LRP1B: variants seen among roughly 807,000 people sequenced by gnomAD.
LRP1B encodes the protein low-density lipoprotein receptor-related protein 1B.
LRP1B carries 217 observed loss-of-function variants against 556.6 expected under a neutral mutation model. The observed-to-expected ratio is 0.39, with a 90% CI of 0.35 to 0.44. The LOEUF is 0.44. LRP1B is among the 20% of genes least tolerant of loss of function. LRP1B has a pLI of 1.00. For missense variants in LRP1B, 5,053 were observed against 5,620.8 expected (o/e 0.90, Z 3.23); for synonymous variants, 2,047 against 1,865.8 (o/e 1.10, Z -2.50).
chr2:141,877,751 G>C (rs77532686), intron 1 of LRP1B, among the ~76,000 whole-genome samples: 4,142 of 152,070 alleles, frequency 0.027, 86 homozygotes, highest in Middle Eastern at 0.075. Flanking sequence ...TGAATCAGAA[G>C]CTTTTTCTGA....
intron 1 of LRP1B, among the ~76,000 whole-genome samples, chr2:141,954,552 A>G (rs1412981655): frequency 6.6e-6 from 1 of 152,118 alleles, no homozygotes; most frequent in Non-Finnish European, 1.5e-5. Flanking sequence ...ACTCATCTCA[A>G]ATGTTTTCTG....
At chr2:141,278,734 C>T (rs998655019) in intron 3 of LRP1B, among the ~76,000 whole-genome samples, 1 of 152,192 alleles carries the variant, frequency 6.6e-6, no homozygotes, top group African/African-American at 2.4e-5. Context: ...TCCATACATT[C>T]AAGTCTGGAA....
At chr2:140,862,981 T>C (rs763397665) in intron 27 of LRP1B, among the ~76,000 whole-genome samples, 16 of 152,334 alleles carry the variant, frequency 1.1e-4, no homozygotes, top group Non-Finnish European at 2.1e-4. Flanking sequence ...CCTGGACTTA[T>C]GCCATTATCC....
At chr2:141,732,577 C>T (rs2105521795) in intron 2 of LRP1B, among the ~76,000 whole-genome samples, 1 of 152,128 alleles carries the variant, frequency 6.6e-6, no homozygotes. Context: ...GTAGCTTACC[C>T]CTATAACTAA....
chr2:140,356,338 C>G lies in LRP1B; in HGVS notation c.11530+4G>C, dbSNP rs763601570. The G allele has an allele frequency of 1.9e-6, 3 of 1,609,992 alleles. No homozygotes were observed. In the South Asian group the frequency reaches 3.3e-5, roughly 18 times the overall value. ...GAGCAAACTGTTGAAGAAAAGTACT[C>G]TACCTTCACATTGTCTGTTTTTCAT... is the stretch of plus-strand genomic sequence containing the variant. On this transcript the variant is annotated splice_donor_region_variant and intron_variant, in intron 75 of 90. Coordinates refer to ENST00000389484, the MANE Select transcript of LRP1B (RefSeq NM_018557.3).
chr2:141,264,007 C>G (rs777307732), intron 3 of LRP1B, among the ~76,000 whole-genome samples: 12 of 152,084 alleles, frequency 7.9e-5, no homozygotes, highest in Non-Finnish European at 1.2e-4. Context: ...ATGATTTTGC[C>G]CTTGAAACAC....
intron 43 of LRP1B, among the ~76,000 whole-genome samples, chr2:140,591,270 C>G (rs1382480491): frequency 1.3e-5 from 2 of 152,158 alleles, no homozygotes; most frequent in African/African-American, 4.8e-5. Flanking sequence ...TACTTGATTG[C>G]AATGTCCATC....
intron 86 of LRP1B, among the ~76,000 whole-genome samples, chr2:140,269,080 C>T (rs1466821393): frequency 6.6e-6 from 1 of 151,942 alleles, no homozygotes; most frequent in Non-Finnish European, 1.5e-5. Flanking sequence ...TTTCTGGACA[C>T]TCTAGCAGTC....
chr2:140,771,118 C>T (rs1436464736), intron 33 of LRP1B, 112 bp from the exon 34 acceptor site: 1 of 651,208 alleles, frequency 1.5e-6, no homozygotes, highest in African/African-American at 1.9e-5. Flanking sequence ...CTAAATGCAG[C>T]TGTTTCATAC....
At chr2:140,931,128 C>G (rs1248655865) in intron 20 of LRP1B, among the ~76,000 whole-genome samples, 2 of 152,026 alleles carry the variant, frequency 1.3e-5, no homozygotes, top group Non-Finnish European at 2.9e-5. Flanking sequence ...GATAAACTCC[C>G]TAGGGGATGC....
intron 3 of LRP1B, among the ~76,000 whole-genome samples, chr2:141,302,273 CTTTA>C (rs1686424879): frequency 6.6e-6 from 1 of 151,932 alleles, no homozygotes; most frequent in Non-Finnish European, 1.5e-5. Context: ...CAAAAGGAAA[CTTTA>C]TTTATAAAGT....
intron 1 of LRP1B, among the ~76,000 whole-genome samples, chr2:141,950,684 A>G (rs1270492230): frequency 1.3e-5 from 2 of 152,154 alleles, no homozygotes; most frequent in East Asian, 1.9e-4. Context: ...TCCTTCTTCT[A>G]TCATGGCTTT....
At chr2:140,953,583 C>T (rs1328543152) in intron 18 of LRP1B, among the ~76,000 whole-genome samples, 1 of 152,172 alleles carries the variant, frequency 6.6e-6, no homozygotes. Context: ...TCAAGAACAA[C>T]TGATGGCTGA....
chr2:142,066,159 A>T, intron 1 of LRP1B, among the ~76,000 whole-genome samples: 1 of 151,614 alleles, frequency 6.6e-6, no homozygotes. Flanking sequence ...TACCAGTGAA[A>T]GACTGTCCAG....
intron 2 of LRP1B, among the ~76,000 whole-genome samples, chr2:141,714,402 G>T (rs1278909678): frequency 4.1e-5 from 6 of 146,342 alleles, no homozygotes; most frequent in Admixed American, 3.4e-4. Context: ...ATGTTTTTTG[G>T]TTTTCTCAAA....
intron 1 of LRP1B, among the ~76,000 whole-genome samples, chr2:142,122,623 C>T (rs2105014614): frequency 6.6e-6 from 1 of 152,116 alleles, no homozygotes; most frequent in African/African-American, 2.4e-5. Context: ...GTAATTCCAT[C>T]TACAAATCTG....
chr2:140,418,928 C>CCAT (rs35731085), intron 66 of LRP1B, among the ~76,000 whole-genome samples: 24,701 of 151,886 alleles, frequency 0.16, 2,134 homozygotes, highest in East Asian at 0.25. Flanking sequence ...TAAGGAACCA[C>CCAT]CATTCTTAGT....
chr2:141,989,121 T>C (rs369785434), intron 1 of LRP1B, among the ~76,000 whole-genome samples: 8 of 152,068 alleles, frequency 5.3e-5, no homozygotes, highest in East Asian at 1.9e-4. Flanking sequence ...TTGAACATTT[T>C]GTATATGGCT....
intron 2 of LRP1B, among the ~76,000 whole-genome samples, chr2:141,751,866 T>C (rs975055582): frequency 1.3e-5 from 2 of 150,542 alleles, no homozygotes; most frequent in Non-Finnish European, 3.0e-5. Context: ...GACTGATTTT[T>C]TTTTATTTTA....
Sources: gnomAD v4.1 joint callset for allele counts (sites outside exome capture counted in the v4.1 genomes callset) on GRCh38, gnomAD v4.1.1 for gene constraint, MANE v1.5 for transcripts, NCBI Gene and HGNC (gene_info 2026-07-23, HGNC 2026-07-21) for gene names.